Variants in CAMTA1 observed in about 807,000 individuals in gnomAD.
The protein encoded by CAMTA1 is calmodulin-binding transcription activator 1.
CAMTA1 carries 27 observed loss-of-function variants against 170.9 expected under a neutral mutation model. That is an observed-to-expected ratio of 0.16 (90% CI 0.12 to 0.22). The LOEUF is 0.22. Among genes scored for constraint, CAMTA1 ranks in the 10% least tolerant of loss-of-function variants. CAMTA1 has a pLI of 1.00. For missense variants in CAMTA1, 1,619 were observed against 2,217.2 expected (o/e 0.73, Z 5.42); for synonymous variants, 833 against 891.5 (o/e 0.93, Z 1.17).
At chr1:6,940,574 A>C (rs1212723654) in intron 3 of CAMTA1, among the ~76,000 whole-genome samples, 1 of 152,180 alleles carries the variant, frequency 6.6e-6, no homozygotes, top group African/African-American at 2.4e-5. Context: ...ACCTAAAATG[A>C]ACCATCACAG....
chr1:7,551,832 C>T (rs541011509), intron 6 of CAMTA1, among the ~76,000 whole-genome samples: 48 of 152,286 alleles, frequency 3.2e-4, no homozygotes, highest in Admixed American at 2.8e-3. Flanking sequence ...GGTAGAAGGA[C>T]ACCTCTTAGG....
chr1:6,822,364 A>G (rs1217398232), intron 2 of CAMTA1, among the ~76,000 whole-genome samples: 1 of 152,220 alleles, frequency 6.6e-6, no homozygotes, highest in Admixed American at 6.5e-5. Flanking sequence ...TCTGTATCCC[A>G]CTTCACCTGT....
chr1:6,980,147 G>T (rs1694182987), intron 3 of CAMTA1, among the ~76,000 whole-genome samples: 1 of 152,244 alleles, frequency 6.6e-6, no homozygotes. Context: ...TGGAGAAGCT[G>T]TGAGTCCTTT....
At chr1:7,112,985 G>T (rs573821393) in intron 4 of CAMTA1, among the ~76,000 whole-genome samples, 1 of 152,226 alleles carries the variant, frequency 6.6e-6, no homozygotes, top group Non-Finnish European at 1.5e-5. Context: ...CCCCATTGGT[G>T]GAAACCTTTC....
At chr1:7,599,893 C>T (rs566332289) in intron 6 of CAMTA1, among the ~76,000 whole-genome samples, 7 of 152,262 alleles carry the variant, frequency 4.6e-5, no homozygotes, top group African/African-American at 7.2e-5. Flanking sequence ...CAAACAGGGA[C>T]GATTTGACTT....
At chr1:7,221,777 C>T (rs1660814331) in intron 4 of CAMTA1, among the ~76,000 whole-genome samples, 1 of 152,036 alleles carries the variant, frequency 6.6e-6, no homozygotes, top group Non-Finnish European at 1.5e-5. Context: ...ATGATTCCTG[C>T]CTAGTGGGAA....
At chr1:7,398,187 CTCTCTCTATATA>C (rs1229631496) in intron 5 of CAMTA1, among the ~76,000 whole-genome samples, 51 of 38,178 alleles carry the variant, frequency 1.3e-3, no homozygotes, top group Admixed American at 3.1e-3. Flanking sequence ...CTCTCTCTCT[CTCTCTCTATATA>C]TATATATATA....
chr1:7,145,713 T>C (rs1449636022), intron 4 of CAMTA1, among the ~76,000 whole-genome samples: 1 of 152,212 alleles, frequency 6.6e-6, no homozygotes, highest in Non-Finnish European at 1.5e-5. Context: ...CCCATGAGTC[T>C]GTGAGCACAG....
intron 3 of CAMTA1, among the ~76,000 whole-genome samples, chr1:7,069,197 C>G (rs1185634850): frequency 6.6e-6 from 1 of 152,202 alleles, no homozygotes; most frequent in Non-Finnish European, 1.5e-5. Flanking sequence ...CACGAAGAGG[C>G]CGTTGTCATT....
intron 11 of CAMTA1, among the ~76,000 whole-genome samples, chr1:7,706,013 C>G (rs1320373128): frequency 2.0e-5 from 3 of 152,006 alleles, no homozygotes; most frequent in African/African-American, 7.3e-5. Context: ...GTGTTTGAGA[C>G]TTTTTCGATC....
At chr1:6,849,193 G>A (rs1376060728) in intron 3 of CAMTA1, among the ~76,000 whole-genome samples, 2 of 152,102 alleles carry the variant, frequency 1.3e-5, no homozygotes, top group South Asian at 2.1e-4. Context: ...GAGTGATGGT[G>A]GTACTGTAGA....
intron 5 of CAMTA1, among the ~76,000 whole-genome samples, chr1:7,345,438 C>G (rs1346708673): frequency 3.9e-5 from 6 of 152,210 alleles, no homozygotes; most frequent in Non-Finnish European, 8.8e-5. Flanking sequence ...CTGCCAACTC[C>G]TTTCCCATGA....
At chr1:7,389,464 A>G in intron 5 of CAMTA1, 1 of 152,404 alleles carries the variant, frequency 6.6e-6, no homozygotes, top group Non-Finnish European at 1.5e-5. Flanking sequence ...AAAAGAATGG[A>G]GTGGCTCCCT....
chr1:7,053,695 G>C (rs1009060632), intron 3 of CAMTA1, among the ~76,000 whole-genome samples: 3 of 152,160 alleles, frequency 2.0e-5, no homozygotes, highest in Admixed American at 1.3e-4. Context: ...CTTTGCCCTT[G>C]CTGGTCTTGC....
At chr1:7,716,486 A>G (rs1384414003) in intron 11 of CAMTA1, among the ~76,000 whole-genome samples, 3 of 152,204 alleles carry the variant, frequency 2.0e-5, no homozygotes, top group Non-Finnish European at 4.4e-5. Context: ...ATTTACCTAT[A>G]TGTTTTCCAG....
chr1:7,614,062 G>A (rs1180163742), intron 6 of CAMTA1, among the ~76,000 whole-genome samples: 1 of 150,474 alleles, frequency 6.6e-6, no homozygotes, highest in Non-Finnish European at 1.5e-5. Context: ...GGAACCCAGA[G>A]GTAGGGGTGG....
At chr1:7,310,599 CT>C (rs111877235) in intron 5 of CAMTA1, among the ~76,000 whole-genome samples, 20,886 of 93,696 alleles carry the variant, frequency 0.22, 2,245 homozygotes, top group African/African-American at 0.37. Flanking sequence ...CTTTTCTTTT[CT>C]TTTCTTTCTT....
At chr1:7,444,954 G>A (rs902167972) in intron 5 of CAMTA1, among the ~76,000 whole-genome samples, 4 of 151,970 alleles carry the variant, frequency 2.6e-5, no homozygotes, top group East Asian at 1.9e-4. Flanking sequence ...AAATTTGCCC[G>A]CCTAGCTGGG....
chr1:7,409,805 T>A (rs1431570042), intron 5 of CAMTA1, among the ~76,000 whole-genome samples: 1 of 152,214 alleles, frequency 6.6e-6, no homozygotes, highest in Non-Finnish European at 1.5e-5. Flanking sequence ...ACTCCTCACC[T>A]CATTTTTCTC....
Sources: allele counts gnomAD v4.1 joint callset (sites outside exome capture counted in the v4.1 genomes callset), GRCh38; gene constraint gnomAD v4.1.1; transcripts MANE v1.5; gene names NCBI Gene and HGNC (gene_info 2026-07-23, HGNC 2026-07-21).